Variants in CDH4 observed in about 807,000 individuals in gnomAD.
CDH4 encodes cadherin-4.
In CDH4, 33 loss-of-function variants were observed where a neutral mutation model predicts 86.0. The ratio of observed to expected loss-of-function variants is 0.38; its 90% CI spans 0.29 to 0.51. CDH4 has a LOEUF of 0.51. CDH4 is among the 20% of genes least tolerant of loss of function. The pLI is 0.86. For missense variants in CDH4, 1,114 were observed against 1,307.4 expected (o/e 0.85, Z 2.28); for synonymous variants, 555 against 549.4 (o/e 1.01, Z -0.14).
chr20:61,293,675 C>T (rs1393962784), intron 2 of CDH4, among the ~76,000 whole-genome samples: 1 of 152,200 alleles, frequency 6.6e-6, no homozygotes, highest in Non-Finnish European at 1.5e-5. Context: ...TCGGTTTTCT[C>T]CTCTGCCAAA....
chr20:61,847,528 G>A (rs544935019), intron 5 of CDH4, among the ~76,000 whole-genome samples: 18 of 152,258 alleles, frequency 1.2e-4, no homozygotes, highest in East Asian at 7.7e-4. Flanking sequence ...CTGCCATGCC[G>A]TGCAAACATG....
At chr20:61,413,056 G>C (rs900915210) in intron 2 of CDH4, among the ~76,000 whole-genome samples, 2 of 152,110 alleles carry the variant, frequency 1.3e-5, no homozygotes, top group East Asian at 1.9e-4. Flanking sequence ...CTCTTGGTGT[G>C]GGGGGCCACC....
intron 2 of CDH4, among the ~76,000 whole-genome samples, chr20:61,484,650 A>C: frequency 6.6e-6 from 1 of 152,206 alleles, no homozygotes; most frequent in South Asian, 2.1e-4. Context: ...TGGGCGTGCA[A>C]GGCCTCGTGG....
In CDH4 at chr20:61,807,836, G is replaced by T. The variant is rs1336427694; in HGVS notation, c.576+34654G>T. On this transcript the variant is annotated intron_variant, in intron 4 of 15. Transcript: ENST00000614565. This position sits in a 1 kb window ranked among gnomAD's most constrained non-coding sequence, Gnocchi z 4.5. Reference sequence around the variant, plus strand: ...ACACAGCACATATCCATGCAGGATGGTCAGTACTGTCGCTTTCGTTAGGTT... The same window carrying T: ...ACACAGCACATATCCATGCAGGATGTTCAGTACTGTCGCTTTCGTTAGGTT... 6.6e-6 allele frequency among the ~76,000 whole-genome samples: 1 copy of T among 152,212 alleles called. No individual in the cohort carries two copies. Among genetic ancestry groups the T allele is most frequent in the Admixed American group, 6.5e-5 (1 of 15,286 alleles).
chr20:61,912,897 A>G (rs546570311), intron 9 of CDH4, among the ~76,000 whole-genome samples: 2 of 152,352 alleles, frequency 1.3e-5, no homozygotes, highest in African/African-American at 4.8e-5. Flanking sequence ...GGCCTCTAGA[A>G]ACCCACAAGG....
chr20:61,683,525 G>C (rs1281862730), intron 2 of CDH4, among the ~76,000 whole-genome samples: 1 of 152,162 alleles, frequency 6.6e-6, no homozygotes, highest in African/African-American at 2.4e-5. Context: ...ACCAGAACGG[G>C]GTGCCGTGCT....
At position 61,734,702 on chromosome 20, in the gene CDH4, C is replaced by G. The variant is rs563099870; in HGVS notation, c.170-8861C>G. Among the ~76,000 whole-genome samples, 270 of 152,346 alleles carry G rather than the reference C, an allele frequency of 1.8e-3. 1 individual carries two copies. Among genetic ancestry groups the G allele is most frequent in the African/African-American group, 6.2e-3 (258 of 41,592 alleles). ...AGTAGATCATTTCCAAGGCCCCTCC[C>G]AGCCTGGCATGCTGCAGGCTTGGGG... On this transcript the variant is annotated intron_variant, in intron 2 of 15. Transcript: ENST00000614565.
intron 2 of CDH4, among the ~76,000 whole-genome samples, chr20:61,532,169 C>T (rs935946474): frequency 7.9e-5 from 12 of 152,220 alleles, no homozygotes; most frequent in Middle Eastern, 3.2e-3. Context: ...CATCCCCAAT[C>T]GCCTGCAGGG....
At position 61,923,533 on chromosome 20, in the gene CDH4, T is replaced by A; in HGVS notation, c.1457T>A (p.Met486Lys). ...NQAPLASGIQMSFQSTAGVTI... is the reference protein window; with the variant it reads ...NQAPLASGIQKSFQSTAGVTI... ...GCGCCCCTGGCCAGCGGAATCCAGA[T>A]GTCCTTCCAGTCCACGGCAGGGGTG... The change falls in exon 10 of 16, where the codon ATG (methionine) becomes AAG (lysine). Residue 486 changes from methionine to lysine, a missense_variant. Coordinates refer to ENST00000614565, the MANE Select transcript of CDH4 (RefSeq NM_001794.5). 1 of 1,614,230 alleles carries A rather than the reference T, an allele frequency of 6.2e-7. No homozygotes were observed. Among genetic ancestry groups the A allele is most frequent in the Non-Finnish European group, 8.5e-7 (1 of 1,180,040 alleles).
intron 2 of CDH4, among the ~76,000 whole-genome samples, chr20:61,456,578 G>A (rs1189428918): frequency 1.3e-5 from 2 of 152,162 alleles, no homozygotes; most frequent in Non-Finnish European, 2.9e-5. Context: ...TGAAAGTGCT[G>A]GGGTCGGGAA....
At chr20:61,509,508 G>A (rs1026049170) in intron 2 of CDH4, among the ~76,000 whole-genome samples, 2 of 148,776 alleles carry the variant, frequency 1.3e-5, no homozygotes, top group Non-Finnish European at 3.0e-5. Context: ...GGCCCTAAGG[G>A]AAGCCGAGCA....
chr20:61,294,533 A>C, intron 2 of CDH4, among the ~76,000 whole-genome samples: 1 of 152,208 alleles, frequency 6.6e-6, no homozygotes, highest in East Asian at 1.9e-4. Context: ...GTGGCCCGGA[A>C]AGGCTGCAGA....
At chr20:61,256,412 A>T (rs1016796641) in intron 2 of CDH4, among the ~76,000 whole-genome samples, 2 of 152,174 alleles carry the variant, frequency 1.3e-5, no homozygotes, top group Admixed American at 6.5e-5. Context: ...TACAGAAGAG[A>T]ATGACAAATT....
chr20:61,930,799 GC>G lies in CDH4; in HGVS notation c.2239+961del, dbSNP rs1186762045. 4.6e-5 allele frequency among the ~76,000 whole-genome samples: 7 copies of G among 152,344 alleles called. No individual in the cohort carries two copies. In the South Asian group the frequency reaches 1.2e-3, roughly 27 times the overall value. On this transcript the variant is annotated intron_variant, in intron 13 of 15. Coordinates refer to ENST00000614565, the MANE Select transcript of CDH4 (RefSeq NM_001794.5). ...CTTTGTATGATCAGGAGTGGAAAGA[GC>G]CCCACAGAGGTTGGGAGGTGTCTCT...
chr20:61,547,350 C>CT (rs1439648133), intron 2 of CDH4, among the ~76,000 whole-genome samples: 2 of 151,730 alleles, frequency 1.3e-5, no homozygotes, highest in African/African-American at 4.8e-5. Flanking sequence ...GTAGCTGGGA[C>CT]TACAGGCACC....
At chr20:61,587,698 A>T (rs1243823687) in intron 2 of CDH4, among the ~76,000 whole-genome samples, 1 of 152,086 alleles carries the variant, frequency 6.6e-6, no homozygotes, top group African/African-American at 2.4e-5. Context: ...CTGTAGGGTA[A>T]CTCAAAGGCG....
At chr20:61,394,696 C>G (rs2085006207) in intron 2 of CDH4, among the ~76,000 whole-genome samples, 1 of 151,716 alleles carries the variant, frequency 6.6e-6, no homozygotes, top group South Asian at 2.1e-4. Flanking sequence ...GGTGTTGGAG[C>G]CAGAACTGCT....
rs763004576 is a variant in CDH4 at position 61,936,796 on chromosome 20, C to T, written c.2604C>T (p.Phe868=). The change falls in exon 16 of 16, where the codon TTC becomes TTT. Residue 868 remains phenylalanine (F), a synonymous_variant. Transcript: ENST00000614565. ...TAPPYDSLLV[F]DYEGSGSTAG... ...CCCCCTATGACTCCCTGCTGGTCTT[C>T]GACTACGAGGGGAGCGGCTCCACCG... is the stretch of plus-strand genomic sequence containing the variant. The T allele has an allele frequency of 1.4e-5, 22 of 1,610,672 alleles. No homozygotes were observed. The highest frequency in any genetic ancestry group is 4.4e-5 in the South Asian group (4 of 90,660).
At chr20:61,296,757 A>C (rs1042298488) in intron 2 of CDH4, among the ~76,000 whole-genome samples, 6 of 152,168 alleles carry the variant, frequency 3.9e-5, no homozygotes, top group Admixed American at 2.0e-4. Flanking sequence ...TTCTGGAAAG[A>C]GCAGGCATGG....
Sources: allele counts gnomAD v4.1 joint callset (sites outside exome capture counted in the v4.1 genomes callset), GRCh38; gene constraint gnomAD v4.1.1; non-coding constraint Gnocchi (gnomAD v3.1); transcripts MANE v1.5; gene names NCBI Gene and HGNC (gene_info 2026-07-23, HGNC 2026-07-21).